Variants in ADGRV1 observed in about 807,000 individuals in gnomAD.
ADGRV1 encodes the protein adhesion G protein-coupled receptor V1, also known as G-protein coupled receptor 98.
ADGRV1 carries 359 observed loss-of-function variants against 596.2 expected under a neutral mutation model. The observed-to-expected ratio is 0.60, with a 90% CI of 0.55 to 0.66. The LOEUF (loss-of-function observed/expected upper bound fraction) is 0.66, where lower values mean the gene tolerates loss of function less well. Ranked by LOEUF, ADGRV1 falls within the 30% of genes least tolerant of loss-of-function variation. The pLI, the probability that ADGRV1 is intolerant of heterozygous loss-of-function variation, is 0.00. For synonymous variants in ADGRV1, 2,681 were observed against 2,679.2 expected (o/e 1.00, Z -0.02); for missense variants, 7,274 against 7,575.6 (o/e 0.96, Z 1.48).
intron 8 of ADGRV1, 23 bp downstream of exon 8, chr5:90,628,855 T>C: frequency 6.2e-7 from 1 of 1,603,756 alleles, no homozygotes; most frequent in South Asian, 1.1e-5. Context: ...TTATGCTTTA[T>C]GCTTGTTAAT....
chr5:90,873,909 T>A (rs1768958274), intron 83 of ADGRV1, among the ~76,000 whole-genome samples: 1 of 152,238 alleles, frequency 6.6e-6, no homozygotes, highest in African/African-American at 2.4e-5. Flanking sequence ...ATTGTCACCA[T>A]TATCTTGCTC....
At chr5:90,743,710 A>G (rs1754264154) in intron 50 of ADGRV1, among the ~76,000 whole-genome samples, 1 of 151,978 alleles carries the variant, frequency 6.6e-6, no homozygotes, top group Admixed American at 6.5e-5. Context: ...CGACCTCGTG[A>G]TCTTCCTGCC....
chr5:90,601,399 G>A (rs1052988556), intron 1 of ADGRV1, among the ~76,000 whole-genome samples: 4 of 152,110 alleles, frequency 2.6e-5, no homozygotes, highest in Non-Finnish European at 5.9e-5. Context: ...CTGAGATGCA[G>A]CCAAAACTAT....
intron 87 of ADGRV1, among the ~76,000 whole-genome samples, chr5:91,132,653 T>A (rs1056106239): frequency 6.6e-6 from 1 of 152,224 alleles, no homozygotes. Flanking sequence ...ATTGGGGGAA[T>A]TCCTGAGGAA....
chr5:90,870,338 G>C (rs1581379891), intron 83 of ADGRV1, among the ~76,000 whole-genome samples: 1 of 152,118 alleles, frequency 6.6e-6, no homozygotes, highest in Non-Finnish European at 1.5e-5. Flanking sequence ...GAGATATTCA[G>C]TTACCTACCC....
chr5:90,709,194 C>G (rs1748999701), intron 39 of ADGRV1, among the ~76,000 whole-genome samples: 1 of 152,118 alleles, frequency 6.6e-6, no homozygotes, highest in East Asian at 1.9e-4. Context: ...ATTTTCCTTT[C>G]ATTTTCTTTT....
intron 1 of ADGRV1, among the ~76,000 whole-genome samples, chr5:90,570,212 A>G (rs1183012809): frequency 6.6e-6 from 1 of 152,182 alleles, no homozygotes; most frequent in Non-Finnish European, 1.5e-5. Flanking sequence ...ATTTTGTTGC[A>G]TATAGTATCC....
chr5:90,651,403 A>G (rs576908576), intron 17 of ADGRV1, among the ~76,000 whole-genome samples: 1 of 152,164 alleles, frequency 6.6e-6, no homozygotes, highest in South Asian at 2.1e-4. Context: ...CTCTCTTTGT[A>G]TGTATGTTTG....
chr5:90,673,384 A>G (rs1303540412), intron 22 of ADGRV1, among the ~76,000 whole-genome samples: 1 of 152,214 alleles, frequency 6.6e-6, no homozygotes, highest in East Asian at 1.9e-4. Flanking sequence ...ATATGATATT[A>G]TATTGATAAA....
At chr5:90,585,337 C>G (rs1416418623) in intron 1 of ADGRV1, among the ~76,000 whole-genome samples, 2 of 152,320 alleles carry the variant, frequency 1.3e-5, no homozygotes, top group Non-Finnish European at 2.9e-5. Flanking sequence ...CTCTGCCCCT[C>G]ATGTGTATCT....
At chr5:91,014,285 T>A (rs1782998608) in intron 85 of ADGRV1, among the ~76,000 whole-genome samples, 1 of 151,920 alleles carries the variant, frequency 6.6e-6, no homozygotes, top group African/African-American at 2.4e-5. Flanking sequence ...TTGTAAGTAT[T>A]TTATTGAGGA....
chr5:90,966,033 A>AT (rs1778425026), intron 84 of ADGRV1, among the ~76,000 whole-genome samples: 2 of 152,048 alleles, frequency 1.3e-5, no homozygotes, highest in South Asian at 2.1e-4. Context: ...TGTTTTGGAG[A>AT]TTTTTTTAAG....
intron 84 of ADGRV1, among the ~76,000 whole-genome samples, chr5:90,981,978 C>T (rs541791568): frequency 2.2e-4 from 33 of 147,402 alleles, no homozygotes; most frequent in African/African-American, 7.9e-4. Context: ...AAATTACTTA[C>T]TTGAGAGGCT....
At chr5:90,816,377 T>A (rs181699704) in intron 75 of ADGRV1, among the ~76,000 whole-genome samples, 6,818 of 150,910 alleles carry the variant, frequency 0.045, 558 homozygotes, top group African/African-American at 0.16. Context: ...TGTTTTTTTT[T>A]AAATTTTATT....
intron 70 of ADGRV1, chr5:90,792,374 T>C (rs893486120): frequency 3.3e-5 from 5 of 152,206 alleles, no homozygotes; most frequent in African/African-American, 1.2e-4. Context: ...AACAAGCCTA[T>C]TACACTAATC....
At chr5:90,708,539 A>G (rs1748909097) in intron 38 of ADGRV1, among the ~76,000 whole-genome samples, 2 of 151,736 alleles carry the variant, frequency 1.3e-5, no homozygotes. Context: ...TTAGGCTTAT[A>G]TATTTATATA....
chr5:90,629,542 A>G lies in ADGRV1; in HGVS notation c.1839+3A>G, dbSNP rs767817804. On this transcript the variant is annotated splice_donor_region_variant and intron_variant, in intron 9 of 89. Coordinates refer to ENST00000405460, the MANE Select transcript of ADGRV1 (RefSeq NM_032119.4). Reference sequence around the variant, plus strand: ...ATGGAGCTCACTTTCTAGTACAGGTACTTGTATGATTAAAATAATCGTAAT... The same window carrying G: ...ATGGAGCTCACTTTCTAGTACAGGTGCTTGTATGATTAAAATAATCGTAAT... 2.5e-6 allele frequency: 4 copies of G among 1,583,280 alleles called. No homozygotes were observed. The Admixed American group carries it at 5.3e-5, about 21-fold the overall frequency.
At chr5:90,731,451 G>T (rs943306021) in intron 50 of ADGRV1, among the ~76,000 whole-genome samples, 4 of 152,148 alleles carry the variant, frequency 2.6e-5, no homozygotes, top group African/African-American at 9.7e-5. Flanking sequence ...CCATTTCAAT[G>T]ACCAATACCA....
chr5:90,756,338 C>T, intron 55 of ADGRV1, 116 bp from the exon 56 acceptor site: 1 of 635,548 alleles, frequency 1.6e-6, no homozygotes, highest in Non-Finnish European at 2.7e-6. Context: ...TTTGACAGAG[C>T]TGCCCATTCC....
Sources: gnomAD v4.1 joint callset for allele counts (sites outside exome capture counted in the v4.1 genomes callset) on GRCh38, gnomAD v4.1.1 for gene constraint, MANE v1.5 for transcripts, NCBI Gene and HGNC (gene_info 2026-07-23, HGNC 2026-07-21) for gene names.